Variants in TST observed in about 807,000 individuals in gnomAD.
The protein encoded by TST is thiosulfate sulfurtransferase.
TST carries 22 observed loss-of-function variants against 20.4 expected under a neutral mutation model. The ratio of observed to expected loss-of-function variants is 1.08; its 90% CI spans 0.77 to 1.54. The LOEUF (loss-of-function observed/expected upper bound fraction) is 1.54. Among genes scored for constraint, TST ranks in the 40% most tolerant of loss-of-function variants. TST has a pLI of 0.00. For missense variants in TST, 392 were observed against 405.2 expected (o/e 0.97, Z 0.28); for synonymous variants, 187 against 173.8 (o/e 1.08, Z -0.60).
chr22:37,011,453 G>T (rs558783782), intron 2 of TST, 128 bp from the exon 3 acceptor site: 3 of 1,047,710 alleles, frequency 2.9e-6, no homozygotes, highest in East Asian at 2.6e-5. Context: ...TCTTTGCTCT[G>T]CTTGGAGCTC....
upstream of TST, chr22:37,019,830 G>T (rs549877335): frequency 8.3e-7 from 1 of 1,205,110 alleles, no homozygotes; most frequent in South Asian, 4.2e-5. Flanking sequence ...GCCGCGCCGC[G>T]GGGGCCATGG....
chr22:37,011,259 C>T lies in TST; in HGVS notation c.662G>A (p.Gly221Asp). The T allele has an allele frequency of 6.2e-7, 1 of 1,614,010 alleles. No homozygotes were observed. The highest frequency in any genetic ancestry group is 8.5e-7 in the Non-Finnish European group (1 of 1,180,026). Reference protein sequence around the residue: ...MPFMDFLTEDGFEKGPEELRA... With the variant: ...MPFMDFLTEDDFEKGPEELRA... The stretch of plus-strand genomic sequence containing the variant: ...GAGCTCTTCTGGGCCCTTCTCGAAG[C>T]CATCCTCAGTCAGGAAGTCCATGAA... The change falls in exon 3 of 3, where the codon GGC (glycine) becomes GAC (aspartate). Residue 221 changes from glycine (G) to aspartate (D), a missense_variant. Coordinates refer to ENST00000249042, the MANE Select transcript of TST (RefSeq NM_003312.6).
chr22:37,018,661 C>A lies in TST; in HGVS notation c.72G>T (p.Lys24Asn). Reference protein sequence around the residue: ...KWLAESIRTGKLGPGLRVLDA... With the variant: ...KWLAESIRTGNLGPGLRVLDA... ...CCAGCACCCGCAGGCCGGGCCCCAG[C>A]TTGCCAGTCCTGATGGACTCCGCCA... Residue 24 changes from lysine to asparagine, a missense_variant, in exon 2 of 3, where the codon AAG (lysine) becomes AAT (asparagine). Physicochemically the swap from Lys to Asn is moderately conservative, Grantham distance 94 (BLOSUM62 0). Coordinates refer to ENST00000249042, the MANE Select transcript of TST (RefSeq NM_003312.6). 1 of 1,554,916 alleles carries A rather than the reference C, an allele frequency of 6.4e-7. No individual in the cohort carries two copies. Among genetic ancestry groups the A allele is most frequent in the Admixed American group, 1.9e-5 (1 of 51,674 alleles).
At chr22:37,012,338 CA>C (rs1922509128) in intron 2 of TST, among the ~76,000 whole-genome samples, 1 of 152,174 alleles carries the variant, frequency 6.6e-6, no homozygotes, top group Non-Finnish European at 1.5e-5. Flanking sequence ...GGCCCTCGGC[CA>C]AATCTGGCTT....
At position 37,011,206 on chromosome 22, in the gene TST, C is replaced by T; in HGVS notation, c.715G>A (p.Asp239Asn). ...LRALFQTKKV[D>N]LSQPLIATCR... ...GTGGCAATGAGAGGCTGCGAGAGAT[C>T]CACCTTCTTGGTCTGGAACAGAGCA... The change falls in exon 3 of 3, where the codon GAT (aspartate) becomes AAT (asparagine). Residue 239 changes from aspartate (D) to asparagine (N), a missense_variant. Physicochemically the swap from Asp to Asn is conservative, Grantham distance 23. Transcript: ENST00000249042. The T allele has an allele frequency of 6.2e-7, 1 of 1,613,916 alleles. No homozygotes were observed. The highest frequency in any genetic ancestry group is 1.1e-5 in the South Asian group (1 of 91,084).
chr22:37,019,808 C>A, upstream of TST: 1 of 1,143,616 alleles, frequency 8.7e-7, no homozygotes, highest in Non-Finnish European at 1.1e-6. Context: ...GCTGCGGGCG[C>A]GGGGAGGGGG....
At position 37,018,472 on chromosome 22, in the gene TST, G is replaced by A; in HGVS notation, c.261C>T (p.Arg87=). The A allele has an allele frequency of 1.2e-6, 2 of 1,612,110 alleles. No homozygotes were observed. The highest frequency in any genetic ancestry group is 8.5e-7 in the Non-Finnish European group (1 of 1,179,364). Residue 87 remains arginine (R), a synonymous_variant, in exon 2 of 3, where the codon CGC becomes CGT. Coordinates refer to ENST00000249042, the MANE Select transcript of TST (RefSeq NM_003312.6). ...CGTGCGTGTGGTTGCTGATGCCCAG[G>A]CGGCCCACATACTCGGCGAAGCCAG... is the stretch of plus-strand genomic sequence containing the variant. ...SEAGFAEYVG[R]LGISNHTHVV...
At chr22:37,017,332 C>T (rs528096140) in intron 2 of TST, among the ~76,000 whole-genome samples, 23 of 152,296 alleles carry the variant, frequency 1.5e-4, no homozygotes, top group Middle Eastern at 6.8e-3. Flanking sequence ...ACTTCTGAGT[C>T]GCCTTCCTGG....
At chr22:37,018,954 C>G in intron 1 of TST, 1 of 452,740 alleles carries the variant, frequency 2.2e-6, no homozygotes, top group Non-Finnish European at 3.9e-6. Context: ...CCCTCCCAGC[C>G]GGCCCGGGGG....
In TST at chr22:37,018,056, G is replaced by A. The variant is rs1023273246; in HGVS notation, c.595+82C>T. 4 of 1,100,978 alleles carry A rather than the reference G, an allele frequency of 3.6e-6. No individual in the cohort carries two copies. In the African/African-American group the frequency reaches 6.3e-5, roughly 17 times the overall value. 68.2% of individuals were successfully genotyped at this position (1,100,978 alleles called of 1,614,324 possible). A position where few individuals can be genotyped will look rare whatever the true frequency, so the allele number is the denominator to read the frequency against. ...GGATTGAAGGCATGGGACGGACCCTGGAGAGGGTCCCAGTCATCCTTACTC... is the reference window on the plus strand; with the variant it reads ...GGATTGAAGGCATGGGACGGACCCTAGAGAGGGTCCCAGTCATCCTTACTC... On this transcript the variant is annotated intron_variant, in intron 2 of 2. Coordinates refer to ENST00000249042, the MANE Select transcript of TST (RefSeq NM_003312.6).
At position 37,018,383 on chromosome 22, in the gene TST, C is replaced by T. The variant is rs1277377999; in HGVS notation, c.350G>A (p.Arg117His). 6.2e-6 allele frequency: 10 copies of T among 1,613,962 alleles called. No homozygotes were observed. The highest frequency in any genetic ancestry group is 8.5e-6 in the Non-Finnish European group (10 of 1,180,034). The change falls in exon 2 of 3, where the codon CGT becomes CAT. Residue 117 changes from arginine to histidine, a missense_variant. By Grantham distance (29) the Arg-to-His change is conservative. Coordinates refer to ENST00000249042, the MANE Select transcript of TST (RefSeq NM_003312.6). ...TGATACGGTGCGGTGGCCAAACACA[C>T]GGAACATCCACCAGACCCGGGGAGC... ...FYAPRVWWMF[R>H]VFGHRTVSVL...
At chr22:37,011,728 A>T (rs530250571) in intron 2 of TST, among the ~76,000 whole-genome samples, 1 of 152,226 alleles carries the variant, frequency 6.6e-6, no homozygotes, top group Non-Finnish European at 1.5e-5. Flanking sequence ...AACTTATTGC[A>T]AATGCTATGT....
chr22:37,016,845 T>C (rs1270166454), intron 2 of TST, among the ~76,000 whole-genome samples: 2 of 152,260 alleles, frequency 1.3e-5, no homozygotes, highest in Non-Finnish European at 2.9e-5. Flanking sequence ...CCTGCTGTCC[T>C]GGCTCTGTCA....
chr22:37,011,497 C>G (rs1018348637), intron 2 of TST, among the ~76,000 whole-genome samples, 172 bp from the exon 3 acceptor site: 1 of 152,204 alleles, frequency 6.6e-6, no homozygotes, highest in Non-Finnish European at 1.5e-5. Flanking sequence ...TATCATTTCT[C>G]ATGACTTAAG....
At chr22:37,013,255 T>G (rs1011931220) in intron 2 of TST, 1 of 152,196 alleles carries the variant, frequency 6.6e-6, no homozygotes, top group African/African-American at 2.4e-5. Flanking sequence ...TACAATCAAC[T>G]GATCACCAGT....
At chr22:37,019,967 G>A (rs1475458597), upstream of TST, 10 of 579,632 alleles carry the variant, frequency 1.7e-5, no homozygotes, top group Non-Finnish European at 2.6e-5. Flanking sequence ...GGACCTGGGC[G>A]GAAGAGGGGG....
At position 37,011,306 on chromosome 22, in the gene TST, G is replaced by C; in HGVS notation, c.615C>G (p.Ile205Met). 2 of 1,613,008 alleles carry C rather than the reference G, an allele frequency of 1.2e-6. No homozygotes were observed. Among genetic ancestry groups the C allele is most frequent in the East Asian group, 2.2e-5 (1 of 44,872 alleles). ...PDAVGLDSGH[I>M]RGAVNMPFMD... Reference sequence around the variant, plus strand: ...TGAAAGGCATGTTGACGGCACCACGGATATGGCCCGAGTCCAGTCCTGGGC... The same window carrying C: ...TGAAAGGCATGTTGACGGCACCACGCATATGGCCCGAGTCCAGTCCTGGGC... The change falls in exon 3 of 3, where the codon ATC (isoleucine) becomes ATG (methionine). Residue 205 changes from isoleucine (I) to methionine (M), a missense_variant. By Grantham distance (10) the Ile-to-Met change is conservative (BLOSUM62 1). Coordinates refer to ENST00000249042, the MANE Select transcript of TST (RefSeq NM_003312.6).
At chr22:37,012,145 A>G (rs1922501626) in intron 2 of TST, among the ~76,000 whole-genome samples, 1 of 152,206 alleles carries the variant, frequency 6.6e-6, no homozygotes, top group Admixed American at 6.5e-5. Context: ...CTGGCTTTGG[A>G]GGCTGGCCCA....
At chr22:37,012,635 G>A (rs1335369254) in intron 2 of TST, among the ~76,000 whole-genome samples, 1 of 152,226 alleles carries the variant, frequency 6.6e-6, no homozygotes, top group Non-Finnish European at 1.5e-5. Flanking sequence ...GAGCAGGGTG[G>A]CAGGAGTGGG....
Sources: allele counts gnomAD v4.1 joint callset (sites outside exome capture counted in the v4.1 genomes callset), GRCh38; gene constraint gnomAD v4.1.1; transcripts MANE v1.5; gene names NCBI Gene and HGNC (gene_info 2026-07-23, HGNC 2026-07-21).